SLC13A1: variants seen among roughly 807,000 people sequenced by gnomAD.
SLC13A1 encodes Na(+)/sulfate cotransporter.
A neutral mutation model predicts 70.0 loss-of-function variants in SLC13A1; 65 were observed. The ratio of observed to expected loss-of-function variants is 0.93; its 90% confidence interval spans 0.76 to 1.14. The LOEUF (loss-of-function observed/expected upper bound fraction) is 1.14, where lower values mean the gene tolerates loss of function less well. Among genes scored for constraint, SLC13A1 ranks in the 50% most tolerant of loss-of-function variants. The probability of loss-of-function intolerance (pLI) is 0.00; values close to 1 mark genes in which losing one functional copy is unlikely to be tolerated. For synonymous variants in SLC13A1, 275 were observed against 250.5 expected (o/e 1.10, Z -0.92); for missense variants, 726 against 717.8 (o/e 1.01, Z -0.13).
At chr7:123,142,277 G>A (rs965253582) in intron 7 of SLC13A1, among the ~76,000 whole-genome samples, 6 of 151,994 alleles carry the variant, frequency 3.9e-5, no homozygotes, top group African/African-American at 1.4e-4. Flanking sequence ...CTTAAGGTCC[G>A]AGGGCTCTTC....
At position 123,119,065 on chromosome 7, in the gene SLC13A1, T is replaced by G; in HGVS notation, c.1512+16A>C. 1 of 1,606,794 alleles carries G rather than the reference T, an allele frequency of 6.2e-7. No individual in the cohort carries two copies. Among genetic ancestry groups the G allele is most frequent in the South Asian group, 1.1e-5 (1 of 90,690 alleles). On this transcript the variant is annotated intron_variant, in intron 13 of 14. Coordinates refer to ENST00000194130, the MANE Select transcript of SLC13A1 (RefSeq NM_022444.4). The stretch of plus-strand genomic sequence containing the variant: ...CTCTTAATGAAGAGTAAAAAGGGGA[T>G]AAATGAGATACTCACCAATGGAGAT...
At chr7:123,165,251 G>C (rs1355213684) in intron 6 of SLC13A1, among the ~76,000 whole-genome samples, 2 of 151,904 alleles carry the variant, frequency 1.3e-5, no homozygotes, top group Non-Finnish European at 2.9e-5. Flanking sequence ...GAATACTTTA[G>C]TGCAGCAAAA....
rs1409455048 is a variant in SLC13A1, at chr7:123,114,527, T to C, written c.*991A>G. ...TTCTTATTCTTTTTTCCTTCTTTTTTTCATTTTTTCATTGCAATGTTAACA... is the reference window on the plus strand; with the variant it reads ...TTCTTATTCTTTTTTCCTTCTTTTTCTCATTTTTTCATTGCAATGTTAACA... On this transcript the variant is annotated 3_prime_UTR_variant, in exon 15 of 15. Coordinates refer to ENST00000194130, the MANE Select transcript of SLC13A1 (RefSeq NM_022444.4). The C allele has an allele frequency of 6.6e-6, 1 of 152,192 alleles. No individual in the cohort carries two copies. Among genetic ancestry groups the C allele is most frequent in the African/African-American group, 2.4e-5 (1 of 41,452 alleles). The allele number at this position is 152,192 out of a possible 1,614,324, so 9.4% of individuals were successfully genotyped here.
At chr7:123,123,507 T>C (rs948200950) in intron 11 of SLC13A1, among the ~76,000 whole-genome samples, 14 of 152,174 alleles carry the variant, frequency 9.2e-5, no homozygotes, top group African/African-American at 3.1e-4. Context: ...CTTATAATGG[T>C]ACTCATTCAT....
chr7:123,181,168 A>T, intron 1 of SLC13A1, 67 bp from the exon 2 acceptor site: 1 of 1,534,106 alleles, frequency 6.5e-7, no homozygotes, highest in Non-Finnish European at 8.9e-7. Flanking sequence ...TTCAAACACA[A>T]ACATGTTTGC....
At chr7:123,117,150 G>T (rs755294197) in intron 14 of SLC13A1, among the ~76,000 whole-genome samples, 2 of 152,026 alleles carry the variant, frequency 1.3e-5, no homozygotes. Context: ...CTTTTGCCTG[G>T]ATCAGTTTGG....
intron 2 of SLC13A1, among the ~76,000 whole-genome samples, chr7:123,175,523 G>A (rs932626490): frequency 2.6e-5 from 4 of 152,056 alleles, no homozygotes; most frequent in African/African-American, 7.2e-5. Flanking sequence ...AATGGAATTA[G>A]TACTTTTATA....
chr7:123,119,244 T>TAA lies in SLC13A1; in HGVS notation c.1351-4_1351-3dup, dbSNP rs755413207. The TAA allele has an allele frequency of 2.7e-5, 42 of 1,582,600 alleles. No individual in the cohort carries two copies. In the South Asian group the frequency reaches 4.5e-4, roughly 17 times the overall value. ...TATCCACTTAGATAATCCAGACTCC[T>TAA]AAAAAACAAATTTGCAATATTTGTT... On this transcript the variant is annotated splice_polypyrimidine_tract_variant and splice_region_variant and intron_variant, in intron 12 of 14. Transcript: ENST00000194130.
In SLC13A1 at chr7:123,199,915, C is replaced by A; in HGVS notation, c.32G>T (p.Arg11Leu). Residue 11 changes from arginine (R) to leucine (L), a missense_variant, in exon 1 of 15, where the codon CGC (arginine) becomes CTC (leucine). By Grantham distance (102) the Arg-to-Leu change is moderately radical. Coordinates refer to ENST00000194130, the MANE Select transcript of SLC13A1 (RefSeq NM_022444.4). ...AGTGAAAACCACGAAGAGAAATCGG[C>A]GATAAACCAGAATGTAACTGAAGAA... is the stretch of plus-strand genomic sequence containing the variant. MKFFSYILVY[R>L]RFLFVVFTVL... 1 of 1,612,916 alleles carries A rather than the reference C, an allele frequency of 6.2e-7. No individual in the cohort carries two copies. Among genetic ancestry groups the A allele is most frequent in the Non-Finnish European group, 8.5e-7 (1 of 1,179,310 alleles).
chr7:123,118,241 A>T (rs901559954), intron 13 of SLC13A1, among the ~76,000 whole-genome samples: 4 of 152,158 alleles, frequency 2.6e-5, no homozygotes, highest in African/African-American at 9.6e-5. Flanking sequence ...AAGAAGAGTT[A>T]CTACTATTTT....
chr7:123,129,925 T>G (rs539079902), intron 8 of SLC13A1, among the ~76,000 whole-genome samples: 27 of 152,318 alleles, frequency 1.8e-4, no homozygotes, highest in African/African-American at 4.6e-4. Context: ...TTAAATTATT[T>G]GAGGGCAAGG....
intron 1 of SLC13A1, among the ~76,000 whole-genome samples, chr7:123,185,417 C>T (rs1156281103): frequency 6.6e-6 from 1 of 151,978 alleles, no homozygotes; most frequent in Non-Finnish European, 1.5e-5. Context: ...AGTTTTTGGT[C>T]TTACATTTAA....
At chr7:123,137,179 G>A (rs1386569071) in intron 7 of SLC13A1, among the ~76,000 whole-genome samples, 1 of 146,732 alleles carries the variant, frequency 6.8e-6, no homozygotes, top group African/African-American at 2.4e-5. Context: ...CAGGATTGAA[G>A]GCAACAAGAG....
intron 6 of SLC13A1, among the ~76,000 whole-genome samples, chr7:123,156,369 T>A (rs1234381260): frequency 6.6e-6 from 1 of 152,126 alleles, no homozygotes; most frequent in Non-Finnish European, 1.5e-5. Context: ...GATGCAATAT[T>A]TATCTTTTTA....
In SLC13A1 at chr7:123,125,646, A is replaced by T; in HGVS notation, c.1163T>A (p.Val388Asp). The T allele has an allele frequency of 6.2e-7, 1 of 1,613,366 alleles. No individual in the cohort carries two copies. The part of the protein sequence containing the change: ...EYPGFATDST[V>D]ALLIGLLFFL... ...GAATAGCAGCCCTATAAGTAAAGCA[A>T]CAGTTGAATCTGTAGCAAAACCAGG... Residue 388 changes from valine to aspartate, a missense_variant, in exon 11 of 15, where the codon GTT becomes GAT. By Grantham distance (152) the Val-to-Asp change is radical. Transcript: ENST00000194130.
chr7:123,147,592 T>C (rs1427167035), intron 6 of SLC13A1, among the ~76,000 whole-genome samples: 1 of 152,100 alleles, frequency 6.6e-6, no homozygotes, highest in Non-Finnish European at 1.5e-5. Context: ...AGAAGGCATC[T>C]GTCTGCAATG....
Position 123,129,396 on chromosome 7 carries a change from G to C in SLC13A1, c.1018C>G (p.Leu340Val). 1.3e-6 allele frequency: 2 copies of C among 1,585,174 alleles called. No homozygotes were observed. The highest frequency in any genetic ancestry group is 1.7e-6 in the Non-Finnish European group (2 of 1,167,528). The change falls in exon 9 of 15, where the codon CTT becomes GTT. Residue 340 changes from leucine (L) to valine (V), a missense_variant. By Grantham distance (32) the Leu-to-Val change is conservative. Coordinates refer to ENST00000194130, the MANE Select transcript of SLC13A1 (RefSeq NM_022444.4). Reference sequence around the variant, plus strand: ...TGTTTGTCTTACCTTATTGGCCCAAGCTTTTGGTATTCTTGCTTAATCACC... The same window carrying C: ...TGTTTGTCTTACCTTATTGGCCCAACCTTTTGGTATTCTTGCTTAATCACC... ...AEVIKQEYQK[L>V]GPIRYQEIVT...
chr7:123,166,017 A>G (rs1209123373), intron 6 of SLC13A1, among the ~76,000 whole-genome samples: 4 of 151,810 alleles, frequency 2.6e-5, no homozygotes, highest in Non-Finnish European at 5.9e-5. Context: ...GTCTTTCCAG[A>G]CTCAAATGTC....
intron 1 of SLC13A1, among the ~76,000 whole-genome samples, chr7:123,191,503 A>C (rs1795996079): frequency 6.6e-6 from 1 of 152,170 alleles, no homozygotes; most frequent in African/African-American, 2.4e-5. Context: ...ATGGAGAAAG[A>C]GCTTGGGAAG....
Sources: gnomAD v4.1 joint callset for allele counts (sites outside exome capture counted in the v4.1 genomes callset) on GRCh38, gnomAD v4.1.1 for gene constraint, MANE v1.5 for transcripts, NCBI Gene and HGNC (gene_info 2026-07-23, HGNC 2026-07-21) for gene names.